The following LYPD8 variants were observed in gnomAD, a reference collection of about 807,000 sequenced individuals.
The protein encoded by LYPD8 is LY6/PLAUR domain containing 8, also known as ly6/PLAUR domain-containing protein 8.
LYPD8 carries 8 observed loss-of-function variants against 1.7 expected under a neutral mutation model. That is an observed-to-expected ratio of 4.58 (90% CI 2.69 to 8.27). The LOEUF (loss-of-function observed/expected upper bound fraction) is 8.27, where lower values mean the gene tolerates loss of function less well. LYPD8 is among the 30% of genes most tolerant of loss of function. LYPD8 has a pLI of 0.00. For synonymous variants in LYPD8, 50 were observed against 43.6 expected (o/e 1.15, Z -0.58); for missense variants, 112 against 102.3 (o/e 1.09, Z -0.41).
In LYPD8 at chr1:248,745,212, G is replaced by C. The variant is rs1662709909; in HGVS notation, c.405C>G (p.Ser135=). 2.5e-6 allele frequency: 1 copy of C among 398,482 alleles called. No homozygotes were observed. Among genetic ancestry groups the C allele is most frequent in the African/African-American group, 2.1e-5 (1 of 48,618 alleles). The allele number at this position is 398,482 out of a possible 1,614,324, so 24.7% of individuals were successfully genotyped here. Residue 135 remains serine (S), a synonymous_variant, in exon 6 of 7, where the codon TCC becomes TCG. Coordinates refer to ENST00000590317, the MANE Select transcript of LYPD8 (RefSeq NM_001085474.2). ...CPACYESNGT[S]CHGKPWKCYE... ...AGCATTTCCAGGGCTTCCCATGACA[G>C]GAAGTTCCATTAGATTCATAACAAG...
At chr1:248,744,440 C>T (rs1394387357) in intron 6 of LYPD8, among the ~76,000 whole-genome samples, 1 of 152,190 alleles carries the variant, frequency 6.6e-6, no homozygotes, top group Non-Finnish European at 1.5e-5. Flanking sequence ...AATGTATTAA[C>T]CTTTAACTGT....
Position 248,739,416 on chromosome 1 carries a change from T to G in LYPD8, c.*195A>C, listed in dbSNP as rs549258382. The G allele has an allele frequency of 8.2e-6, 6 of 728,270 alleles. No individual in the cohort carries two copies. In the East Asian group the frequency reaches 1.6e-4, roughly 20 times the overall value. 45.1% of individuals were successfully genotyped at this position (728,270 alleles called of 1,614,324 possible). ...CAGCCCAGAATGCATCAGGACAGAT[T>G]TGGGCAGTGAATGAACCAGTGCTTT... On this transcript the variant is annotated 3_prime_UTR_variant, in exon 7 of 7. Transcript: ENST00000590317. This position sits in a 1 kb window ranked among gnomAD's most constrained non-coding sequence, Gnocchi z 4.3.
chr1:248,742,211 GCGGGGGAGA>G (rs1662615177), intron 6 of LYPD8, among the ~76,000 whole-genome samples: 2 of 137,042 alleles, frequency 1.5e-5, no homozygotes, highest in Admixed American at 7.2e-5. Context: ...GATGTTGGCA[GCGGGGGAGA>G]TTACGCTCTG....
chr1:248,753,129 A>G (rs1343148305), intron 2 of LYPD8, among the ~76,000 whole-genome samples: 1 of 58,038 alleles, frequency 1.7e-5, no homozygotes, highest in African/African-American at 5.8e-5. Context: ...ACACAACACA[A>G]CACACACACC....
At chr1:248,745,846 C>T (rs1247900879) in intron 5 of LYPD8, among the ~76,000 whole-genome samples, 2 of 152,174 alleles carry the variant, frequency 1.3e-5, no homozygotes, top group East Asian at 3.8e-4. Context: ...GTCCCTGAGA[C>T]CCTTACAGGG....
intron 3 of LYPD8, 98 bp from the exon 4 acceptor site, chr1:248,750,741 A>G (rs1024949673): frequency 5.1e-4 from 204 of 398,014 alleles, no homozygotes; most frequent in Non-Finnish European, 8.3e-4. Context: ...TTGCAGTAAA[A>G]GACAGACGGG....
In LYPD8 at chr1:248,753,522, ACCCC is replaced by A. The variant is rs1572156859; in HGVS notation, c.-50+1713_-50+1716del. 2.3e-3 allele frequency among the ~76,000 whole-genome samples: 272 copies of A among 115,960 alleles called. 8 individuals carry two copies. The highest frequency in any genetic ancestry group is 5.7e-3 in the East Asian group (17 of 3,002). The allele number at this position is 115,960 out of a possible 152,430, so 76.1% of individuals were successfully genotyped here. A position where few individuals can be genotyped will look rare whatever the true frequency, so the allele number is the denominator to read the frequency against. On this transcript the variant is annotated intron_variant, in intron 2 of 6. Transcript: ENST00000590317. ...ACACAACACAACACACACATCACAC[ACCCC>A]ACACAACACACCACATCACACAAAA...
intron 6 of LYPD8, among the ~76,000 whole-genome samples, chr1:248,742,858 G>A (rs1257209697): frequency 8.7e-6 from 1 of 115,362 alleles, no homozygotes; most frequent in Admixed American, 8.8e-5. Context: ...GGGAGGTTAC[G>A]CTCTGGTGGG....
chr1:248,750,036 A>G (rs1364181363), intron 4 of LYPD8, among the ~76,000 whole-genome samples: 1 of 152,178 alleles, frequency 6.6e-6, no homozygotes, highest in East Asian at 1.9e-4. Flanking sequence ...TACATGAAGT[A>G]TGTTTGAACG....
chr1:248,749,059 C>T (rs1480952134), intron 4 of LYPD8, among the ~76,000 whole-genome samples: 1 of 152,052 alleles, frequency 6.6e-6, no homozygotes, highest in African/African-American at 2.4e-5. Flanking sequence ...GCTAGTCAGC[C>T]CTGATTACCT....
Position 248,739,765 on chromosome 1 carries a change from G to A in LYPD8, c.560C>T (p.Thr187Ile), listed in dbSNP as rs1453484902. The A allele has an allele frequency of 3.2e-6, 5 of 1,551,636 alleles. No individual in the cohort carries two copies. In the African/African-American group the frequency reaches 5.5e-5, roughly 17 times the overall value. ...TCQFLSGENKTLGGVIFRKFE... is the reference protein window; with the variant it reads ...TCQFLSGENKILGGVIFRKFE... ...CTTTCGAAAGATGACTCCTCCAAGA[G>A]TCTTGTTTTCACCAGACAGGAACTG... The change falls in exon 7 of 7, where the codon ACT becomes ATT. Residue 187 changes from threonine (T) to isoleucine (I), a missense_variant. Transcript: ENST00000590317. The surrounding 1 kb of genome is among the most constrained non-coding windows in gnomAD (Gnocchi z 4.3).
intron 5 of LYPD8, among the ~76,000 whole-genome samples, chr1:248,746,440 C>T (rs1662727041): frequency 6.6e-6 from 1 of 152,218 alleles, no homozygotes; most frequent in African/African-American, 2.4e-5. Context: ...ATGTTAATGC[C>T]ATCCGGATAT....
intron 2 of LYPD8, among the ~76,000 whole-genome samples, chr1:248,751,822 A>G (rs1461679967): frequency 4.6e-5 from 7 of 152,128 alleles, no homozygotes; most frequent in African/African-American, 7.2e-5. Context: ...CAGCCTGGAC[A>G]CACTCAACCT....
At chr1:248,753,432 ACAC>A (rs1272719384) in intron 2 of LYPD8, among the ~76,000 whole-genome samples, 2 of 131,262 alleles carry the variant, frequency 1.5e-5, no homozygotes, top group Non-Finnish European at 3.2e-5. Flanking sequence ...CACACAACAC[ACAC>A]AACACAACAC....
chr1:248,744,519 G>GTCAAATGTGGATCTCACAATGGGTAGCA (rs1553283960), intron 6 of LYPD8, among the ~76,000 whole-genome samples: 1 of 140,364 alleles, frequency 7.1e-6, no homozygotes, highest in African/African-American at 3.0e-5. Context: ...AATGGGTAGC[G>GTCAAATGTGGATCTCACAATGGGTAGCA]TCAAATGTGG....
At chr1:248,743,138 GAA>G (rs142657215) in intron 6 of LYPD8, among the ~76,000 whole-genome samples, 1 of 151,766 alleles carries the variant, frequency 6.6e-6, no homozygotes, top group African/African-American at 2.4e-5. Context: ...AAACTACTCT[GAA>G]AAAAAATGTG....
At position 248,745,250 on chromosome 1, in the gene LYPD8, C is replaced by A; in HGVS notation, c.367G>T (p.Ala123Ser). 2.5e-6 allele frequency: 1 copy of A among 398,608 alleles called. No homozygotes were observed. Among genetic ancestry groups the A allele is most frequent in the Non-Finnish European group, 4.4e-6 (1 of 226,070 alleles). 24.7% of individuals were successfully genotyped at this position (398,608 alleles called of 1,614,324 possible). A position where few individuals can be genotyped will look rare whatever the true frequency, so the allele number is the denominator to read the frequency against. Residue 123 changes from alanine (A) to serine (S), a missense_variant, in exon 6 of 7, where the codon GCA (alanine) becomes TCA (serine). Physicochemically the swap from Ala to Ser is moderately conservative, Grantham distance 99. Coordinates refer to ENST00000590317, the MANE Select transcript of LYPD8 (RefSeq NM_001085474.2). ...DPPLKNVSSN[A>S]ECPACYESNG... ...GATTCATAACAAGCAGGGCACTCTGCGTTGCTGGACACGTTCTTCAGGGGA... is the reference window on the plus strand; with the variant it reads ...GATTCATAACAAGCAGGGCACTCTGAGTTGCTGGACACGTTCTTCAGGGGA...
At position 248,741,676 on chromosome 1, in the gene LYPD8, G is replaced by A. The variant is rs962776205; in HGVS notation, c.476-1827C>T. ...AAGTCCTATGAGAAAGAGGAAAATCGATCCCTTTTATCAGAGCTGGGGACA... is the reference window on the plus strand; with the variant it reads ...AAGTCCTATGAGAAAGAGGAAAATCAATCCCTTTTATCAGAGCTGGGGACA... On this transcript the variant is annotated intron_variant, in intron 6 of 6. Coordinates refer to ENST00000590317, the MANE Select transcript of LYPD8 (RefSeq NM_001085474.2). Among the ~76,000 whole-genome samples, 11 of 152,340 alleles carry A rather than the reference G, an allele frequency of 7.2e-5. No homozygotes were observed. The South Asian group carries it at 1.9e-3, about 26-fold the overall frequency.
chr1:248,752,633 ACACC>A (rs1572156172), intron 2 of LYPD8, among the ~76,000 whole-genome samples: 2 of 100,266 alleles, frequency 2.0e-5, no homozygotes, highest in African/African-American at 6.8e-5. Context: ...CACACACCAC[ACACC>A]CCACACAACA....
Sources: gnomAD v4.1 joint callset for allele counts (sites outside exome capture counted in the v4.1 genomes callset) on GRCh38, gnomAD v4.1.1 for gene constraint, Gnocchi (gnomAD v3.1) non-coding constraint, MANE v1.5 for transcripts, NCBI Gene and HGNC (gene_info 2026-07-23, HGNC 2026-07-21) for gene names.